Variants in GRXCR1 observed in about 807,000 individuals in gnomAD.
GRXCR1 encodes glutaredoxin domain-containing cysteine-rich protein 1.
A neutral mutation model predicts 27.3 loss-of-function variants in GRXCR1; 27 were observed. The observed-to-expected ratio is 0.99, with a 90% CI of 0.73 to 1.37. The LOEUF (loss-of-function observed/expected upper bound fraction) is 1.37, where lower values mean the gene tolerates loss of function less well. GRXCR1 is among the 40% of genes most tolerant of loss of function. The probability of loss-of-function intolerance (pLI) is 0.00; values close to 1 mark genes in which losing one functional copy is unlikely to be tolerated. For synonymous variants in GRXCR1, 122 were observed against 131.1 expected, an observed-to-expected ratio of 0.93 and a Z score of 0.47; for missense variants, 379 against 354.4, an observed-to-expected ratio of 1.07 and a Z score of -0.56.
chr4:42,932,587 TATATATATATATATATATATATATATA>T lies in GRXCR1; in HGVS notation c.385-30304_385-30278del, dbSNP rs1487048118. 2.0e-3 allele frequency among the ~76,000 whole-genome samples: 78 copies of T among 39,938 alleles called. 1 individual carries two copies. The highest frequency in any genetic ancestry group is 4.8e-3 in the African/African-American group (54 of 11,286). The allele number at this position is 39,938 out of a possible 152,430, so 26.2% of individuals were successfully genotyped here. A position where few individuals can be genotyped will look rare whatever the true frequency, so the allele number is the denominator to read the frequency against. ...TCTTAAACTCCCTTCCATATATATATATATATATATATATATATATATATATATATATAGAGAGAGAGAGAGAGAGAG... is the reference window on the plus strand; with the variant it reads ...TCTTAAACTCCCTTCCATATATATATTATATAGAGAGAGAGAGAGAGAGAG... On this transcript the variant is annotated intron_variant, in intron 1 of 3. Coordinates refer to ENST00000399770, the MANE Select transcript of GRXCR1 (RefSeq NM_001080476.3).
intron 1 of GRXCR1, among the ~76,000 whole-genome samples, chr4:42,918,728 A>G (rs1258847312): frequency 6.6e-6 from 1 of 152,056 alleles, no homozygotes; most frequent in Non-Finnish European, 1.5e-5. Flanking sequence ...AAAACTCTAG[A>G]CTATGCTCCC....
At chr4:42,907,118 C>A (rs1410244610) in intron 1 of GRXCR1, among the ~76,000 whole-genome samples, 3 of 152,158 alleles carry the variant, frequency 2.0e-5, no homozygotes, top group Non-Finnish European at 4.4e-5. Flanking sequence ...GGCTAGAAGC[C>A]AGCGCCAGCC....
intron 2 of GRXCR1, among the ~76,000 whole-genome samples, chr4:43,012,456 A>G (rs1245659708): frequency 6.6e-6 from 1 of 152,220 alleles, no homozygotes; most frequent in Non-Finnish European, 1.5e-5. Flanking sequence ...ACAATGTAAG[A>G]CTTTTGTCAA....
intron 1 of GRXCR1, among the ~76,000 whole-genome samples, chr4:42,920,751 A>G (rs1333296469): frequency 6.6e-6 from 1 of 152,102 alleles, no homozygotes; most frequent in East Asian, 1.9e-4. Context: ...AATATCAAAT[A>G]TGTACATTTT....
At chr4:42,899,711 C>A (rs968610769) in intron 1 of GRXCR1, among the ~76,000 whole-genome samples, 1 of 152,140 alleles carries the variant, frequency 6.6e-6, no homozygotes, top group Non-Finnish European at 1.5e-5. Context: ...ACCATTAGCA[C>A]CGACTTATCC....
intron 1 of GRXCR1, among the ~76,000 whole-genome samples, chr4:42,932,305 G>A (rs1747330884): frequency 6.6e-6 from 1 of 151,758 alleles, no homozygotes; most frequent in Admixed American, 6.6e-5. Context: ...GCATCCAGCT[G>A]TTTCTGTTCA....
intron 3 of GRXCR1, among the ~76,000 whole-genome samples, chr4:43,028,593 A>G (rs1336043776): frequency 6.6e-6 from 1 of 152,226 alleles, no homozygotes; most frequent in Non-Finnish European, 1.5e-5. Context: ...AATGACAAGG[A>G]TCTATCTACA....
At chr4:42,899,593 T>C (rs954060276) in intron 1 of GRXCR1, among the ~76,000 whole-genome samples, 1 of 152,170 alleles carries the variant, frequency 6.6e-6, no homozygotes, top group Non-Finnish European at 1.5e-5. Context: ...TTGCTCTTGC[T>C]TTCTTTCTAG....
intron 2 of GRXCR1, among the ~76,000 whole-genome samples, chr4:42,990,505 A>G (rs1188689621): frequency 1.3e-5 from 2 of 152,052 alleles, no homozygotes; most frequent in African/African-American, 4.8e-5. Context: ...ACTAGGCATG[A>G]ATTTATCTCT....
intron 2 of GRXCR1, among the ~76,000 whole-genome samples, chr4:42,975,594 C>T (rs146559052): frequency 7.9e-5 from 12 of 152,074 alleles, no homozygotes; most frequent in Admixed American, 2.6e-4. Context: ...GCAGTGATAC[C>T]GGAGTCCACG....
At chr4:43,021,799 C>T (rs1319656143) in intron 3 of GRXCR1, among the ~76,000 whole-genome samples, 1 of 152,178 alleles carries the variant, frequency 6.6e-6, no homozygotes, top group Non-Finnish European at 1.5e-5. Context: ...CCATGCGATA[C>T]ATACAGAGAG....
chr4:42,895,291 A>G (rs1288556774), intron 1 of GRXCR1, among the ~76,000 whole-genome samples: 4 of 152,086 alleles, frequency 2.6e-5, no homozygotes. Flanking sequence ...GCCTTTTTCT[A>G]ATAATTTAGC....
chr4:42,981,660 G>T (rs972226965), intron 2 of GRXCR1, among the ~76,000 whole-genome samples: 4 of 152,146 alleles, frequency 2.6e-5, no homozygotes, highest in African/African-American at 7.2e-5. Flanking sequence ...ATCTGGGAAA[G>T]TCCGTCTTCA....
intron 2 of GRXCR1, among the ~76,000 whole-genome samples, chr4:43,018,458 A>G (rs1295056201): frequency 6.6e-6 from 1 of 152,152 alleles, no homozygotes; most frequent in Non-Finnish European, 1.5e-5. Context: ...CTGCATTTCT[A>G]CTGCAATGTG....
At chr4:42,939,888 T>C (rs977355280) in intron 1 of GRXCR1, among the ~76,000 whole-genome samples, 2 of 152,050 alleles carry the variant, frequency 1.3e-5, no homozygotes, top group Non-Finnish European at 2.9e-5. Context: ...TCCATCTGTG[T>C]TCCTGATCTA....
intron 2 of GRXCR1, among the ~76,000 whole-genome samples, chr4:42,978,195 G>T (rs1423301320): frequency 6.6e-6 from 1 of 152,062 alleles, no homozygotes; most frequent in Non-Finnish European, 1.5e-5. Flanking sequence ...GTACCATGCT[G>T]CTTTGGCTAC....
intron 3 of GRXCR1, among the ~76,000 whole-genome samples, chr4:43,020,853 CCTGTG>C (rs1194029836): frequency 1.3e-5 from 2 of 152,142 alleles, no homozygotes; most frequent in South Asian, 2.1e-4. Context: ...AATTTGTATT[CCTGTG>C]CTTATACATA....
At chr4:43,019,826 A>G (rs764124017) in intron 2 of GRXCR1, among the ~76,000 whole-genome samples, 30 of 152,184 alleles carry the variant, frequency 2.0e-4, no homozygotes, top group Non-Finnish European at 4.1e-4. Flanking sequence ...AGAGTCTGCT[A>G]CGGCAAAGGA....
intron 2 of GRXCR1, among the ~76,000 whole-genome samples, chr4:42,994,487 T>C (rs548892174): frequency 9.9e-5 from 15 of 152,270 alleles, no homozygotes; most frequent in African/African-American, 3.6e-4. Context: ...CAGGAAGTTG[T>C]ACAAGTTAGT....
Sources: allele counts gnomAD v4.1 joint callset (sites outside exome capture counted in the v4.1 genomes callset), GRCh38; gene constraint gnomAD v4.1.1; transcripts MANE v1.5; gene names NCBI Gene and HGNC (gene_info 2026-07-23, HGNC 2026-07-21).